The following PFKP variants were observed in gnomAD, a reference collection of about 807,000 sequenced individuals.
The protein encoded by PFKP is ATP-dependent 6-phosphofructokinase, platelet type.
PFKP carries 101 observed loss-of-function variants against 94.3 expected under a neutral mutation model. The observed-to-expected ratio is 1.07, with a 90% CI of 0.91 to 1.26. The LOEUF is 1.26. Among genes scored for constraint, PFKP ranks in the 50% most tolerant of loss-of-function variants. The pLI is 0.00. For missense variants in PFKP, 1,145 were observed against 1,103.3 expected, an observed-to-expected ratio of 1.04 and a Z score of -0.53; for synonymous variants, 573 against 432.6, an observed-to-expected ratio of 1.32 and a Z score of -4.03.
At chr10:3,098,672 C>CAAAAAAAAAAAAAAAAAA (rs5782682) in intron 2 of PFKP, among the ~76,000 whole-genome samples, 3 of 107,170 alleles carry the variant, frequency 2.8e-5, no homozygotes, top group South Asian at 3.6e-4. Context: ...GACTCCGTCT[C>CAAAAAAAAAAAAAAAAAA]AAAAAAAAAA....
intron 2 of PFKP, among the ~76,000 whole-genome samples, chr10:3,091,211 C>A (rs1834016529): frequency 6.6e-6 from 1 of 152,108 alleles, no homozygotes; most frequent in African/African-American, 2.4e-5. Context: ...TTGCTTCTTT[C>A]TTTTTTCTCT....
At chr10:3,081,712 T>G (rs367979189) in intron 1 of PFKP, among the ~76,000 whole-genome samples, 6 of 152,092 alleles carry the variant, frequency 3.9e-5, no homozygotes, top group East Asian at 1.9e-4. Flanking sequence ...AACAGACTTA[T>G]GATACATTGT....
chr10:3,096,658 C>CCG (rs767033134), intron 2 of PFKP, among the ~76,000 whole-genome samples: 8 of 151,448 alleles, frequency 5.3e-5, no homozygotes, highest in South Asian at 2.1e-4. Context: ...TCCTTGCCCC[C>CCG]CCGAGCTTCA....
chr10:3,089,332 G>A (rs949194767), intron 2 of PFKP, among the ~76,000 whole-genome samples: 22 of 152,176 alleles, frequency 1.4e-4, no homozygotes, highest in South Asian at 6.2e-4. Flanking sequence ...TGTTGTGGGC[G>A]TGCACCACGT....
intron 4 of PFKP, among the ~76,000 whole-genome samples, chr10:3,103,202 G>A (rs61835139): frequency 6.6e-6 from 1 of 152,218 alleles, no homozygotes. Context: ...TTTGTTTACC[G>A]ATTGCAAATG....
chr10:3,105,345 TGGGAA>T (rs758338882), intron 6 of PFKP, 43 bp from the exon 7 acceptor site: 2 of 1,512,662 alleles, frequency 1.3e-6, no homozygotes, highest in East Asian at 4.5e-5. Context: ...GCTGCCCTCG[TGGGAA>T]GGATCCTTCT....
chr10:3,133,350 C>G, intron 19 of PFKP, 36 bp downstream of exon 19: 11 of 1,244,664 alleles, frequency 8.8e-6, no homozygotes, highest in Non-Finnish European at 1.2e-5. Context: ...CACAAAGCCC[C>G]TGTCATGTGA....
At chr10:3,112,430 GCA>G (rs1836342594) in intron 11 of PFKP, 144 bp downstream of exon 11, 1 of 698,778 alleles carries the variant, frequency 1.4e-6, no homozygotes, top group Admixed American at 2.2e-5. Context: ...CACCGCTCTT[GCA>G]GTAGCAGGCC....
At chr10:3,133,999 C>A (rs747954561) in intron 19 of PFKP, among the ~76,000 whole-genome samples, 2 of 152,226 alleles carry the variant, frequency 1.3e-5, no homozygotes, top group South Asian at 2.1e-4. Flanking sequence ...CAGGCACACA[C>A]GTGTTATGAG....
At chr10:3,135,709 A>G in intron 20 of PFKP, 27 bp from the exon 21 acceptor site, 4 of 1,399,572 alleles carry the variant, frequency 2.9e-6, no homozygotes, top group South Asian at 1.2e-5. Flanking sequence ...ACAGGGTGTT[A>G]TTAATCTTTT....
At chr10:3,079,681 A>AGGGGGG (rs1832895040) in intron 1 of PFKP, among the ~76,000 whole-genome samples, 1 of 78,492 alleles carries the variant, frequency 1.3e-5, no homozygotes, top group Non-Finnish European at 2.8e-5. Flanking sequence ...GGGGAAGAGG[A>AGGGGGG]GCAGGGGTGA....
intron 16 of PFKP, among the ~76,000 whole-genome samples, chr10:3,123,457 G>A (rs1837624520): frequency 6.6e-6 from 1 of 152,220 alleles, no homozygotes; most frequent in African/African-American, 2.4e-5. Context: ...AGGGAAGAGG[G>A]GAGAGAGGAT....
chr10:3,134,340 G>A (rs1004168134), intron 19 of PFKP, 143 bp from the exon 20 acceptor site: 23 of 612,570 alleles, frequency 3.8e-5, no homozygotes, highest in East Asian at 2.8e-4. Flanking sequence ...TTCAGGCTAC[G>A]GGAATCACAG....
Position 3,105,052 on chromosome 10 carries a change from G to A in PFKP, c.621-63G>A, listed in dbSNP as rs72778587. The A allele has an allele frequency of 2.9e-3, 4,242 of 1,482,980 alleles. 10 individuals carry two copies. Among genetic ancestry groups the A allele is most frequent in the Non-Finnish European group, 3.6e-3 (3,822 of 1,062,962 alleles). 91.9% of individuals were successfully genotyped at this position (1,482,980 alleles called of 1,614,324 possible). ...TCTGAGCTGTTTCCAGGACTGAGTG[G>A]GTGCTCCCTCTGTTTCTCTGCTTTC... On this transcript the variant is annotated intron_variant, in intron 5 of 21. Transcript: ENST00000381125.
chr10:3,125,032 C>T, intron 16 of PFKP: 3 of 1,137,354 alleles, frequency 2.6e-6, no homozygotes, highest in Non-Finnish European at 3.3e-6. Flanking sequence ...GACCTCAGCA[C>T]AGGCCCTGGG....
chr10:3,072,937 C>T (rs756832760), intron 1 of PFKP, among the ~76,000 whole-genome samples: 71 of 151,876 alleles, frequency 4.7e-4, no homozygotes, highest in Admixed American at 4.3e-3. Context: ...AATTGGGTTC[C>T]GTTTTGTGTT....
intron 16 of PFKP, chr10:3,125,379 A>G (rs1173339448): frequency 4.7e-6 from 3 of 635,006 alleles, no homozygotes; most frequent in South Asian, 2.4e-5. Flanking sequence ...TTTATGTCAC[A>G]CTGGCCAGAA....
chr10:3,077,249 C>CTTTTTTTTTTTTTTTTTTTT (rs35306351), intron 1 of PFKP, among the ~76,000 whole-genome samples: 1 of 108,180 alleles, frequency 9.2e-6, no homozygotes, highest in Non-Finnish European at 1.8e-5. Flanking sequence ...CTATTCTTTA[C>CTTTTTTTTTTTTTTTTTTTT]TTTTTTTTTT....
chr10:3,116,513 T>C (rs1293550683), intron 13 of PFKP, among the ~76,000 whole-genome samples: 1 of 152,216 alleles, frequency 6.6e-6, no homozygotes, highest in Non-Finnish European at 1.5e-5. Flanking sequence ...CTGATGTATC[T>C]CACACGTGGC....
Sources: allele counts gnomAD v4.1 joint callset (sites outside exome capture counted in the v4.1 genomes callset), GRCh38; gene constraint gnomAD v4.1.1; transcripts MANE v1.5; gene names NCBI Gene and HGNC (gene_info 2026-07-23, HGNC 2026-07-21).